The following SPRY3 variants were observed in gnomAD, a reference collection of about 807,000 sequenced individuals.
SPRY3 encodes the protein sprouty RTK signaling antagonist 3.
SPRY3 carries 15 observed loss-of-function variants against 20.2 expected under a neutral mutation model. That is an observed-to-expected ratio of 0.74 (90% CI 0.50 to 1.14). SPRY3 has a LOEUF of 1.14. SPRY3 is among the 50% of genes most tolerant of loss of function. The pLI, the probability that SPRY3 is intolerant of heterozygous loss-of-function variation, is 0.00. For synonymous variants in SPRY3, 143 were observed against 136.5 expected, an observed-to-expected ratio of 1.05 and a Z score of -0.33; for missense variants, 364 against 363.9, an observed-to-expected ratio of 1.00 and a Z score of 0.00.
intron 1 of SPRY3, among the ~76,000 whole-genome samples, chrX:155,645,516 C>G (rs1432934815): frequency 1.4e-5 from 1 of 69,112 alleles, no homozygotes; most frequent in Non-Finnish European, 3.3e-5. Flanking sequence ...TCCTTTCTAG[C>G]TAGGCCTGGT....
intron 2 of SPRY3, among the ~76,000 whole-genome samples, chrX:155,675,010 G>A (rs181539132): frequency 9.0e-6 from 1 of 111,442 alleles, no homozygotes; most frequent in African/African-American, 3.3e-5. Context: ...GAAATGTTTG[G>A]GTATAATTGT....
intron 1 of SPRY3, among the ~76,000 whole-genome samples, chrX:155,644,208 G>C (rs1557351653): frequency 9.1e-6 from 1 of 109,953 alleles, no homozygotes; most frequent in Non-Finnish European, 1.9e-5. Context: ...TTTCTGTTCT[G>C]AGTCTTCTGG....
chrX:155,694,447 A>G (rs1229671385), intron 2 of SPRY3, among the ~76,000 whole-genome samples: 1 of 111,114 alleles, frequency 9.0e-6, no homozygotes, highest in Admixed American at 9.6e-5. Context: ...ATTATTCTTT[A>G]TATCAGTGGT....
At chrX:155,756,803 T>C (rs1341909621) in intron 2 of SPRY3, among the ~76,000 whole-genome samples, 1 of 152,014 alleles carries the variant, frequency 6.6e-6, no homozygotes, top group Non-Finnish European at 1.5e-5. Flanking sequence ...CACACACAAA[T>C]ACAAACAACA....
chrX:155,768,469 C>G (rs1219564280), intron 3 of SPRY3, among the ~76,000 whole-genome samples: 1 of 152,060 alleles, frequency 6.6e-6, no homozygotes, highest in Admixed American at 6.5e-5. Context: ...CAAAACGCAG[C>G]CTAACCACCC....
At chrX:155,729,871 A>C (rs2091122213) in intron 2 of SPRY3, among the ~76,000 whole-genome samples, 1 of 152,148 alleles carries the variant, frequency 6.6e-6, no homozygotes. Context: ...GAAAAAGGAA[A>C]TATCACAACC....
chrX:155,719,157 G>A (rs1340941141), intron 2 of SPRY3, among the ~76,000 whole-genome samples: 2 of 152,102 alleles, frequency 1.3e-5, no homozygotes, highest in Non-Finnish European at 2.9e-5. Context: ...TTTGTGCACT[G>A]GGGGAGGGAG....
intron 2 of SPRY3, among the ~76,000 whole-genome samples, chrX:155,736,509 T>C (rs1040460363): frequency 6.6e-6 from 1 of 152,016 alleles, no homozygotes; most frequent in African/African-American, 2.4e-5. Context: ...AATACTTCGT[T>C]CCACTTTCTT....
At chrX:155,668,321 G>A (rs958158018) in intron 2 of SPRY3, among the ~76,000 whole-genome samples, 4 of 110,605 alleles carry the variant, frequency 3.6e-5, no homozygotes, top group Admixed American at 1.9e-4. Context: ...AGTACATACC[G>A]TGTTATTCTA....
chrX:155,721,820 A>T (rs2091060445), intron 2 of SPRY3, among the ~76,000 whole-genome samples: 1 of 152,300 alleles, frequency 6.6e-6, no homozygotes, highest in Non-Finnish European at 1.5e-5. Flanking sequence ...AGGGTAATTC[A>T]ATCATAAAGA....
At chrX:155,753,136 G>GTTTTT (rs2091270602) in intron 2 of SPRY3, among the ~76,000 whole-genome samples, 2 of 151,742 alleles carry the variant, frequency 1.3e-5, no homozygotes, top group South Asian at 4.2e-4. Flanking sequence ...CATGTAATGT[G>GTTTTT]CACAATTTAA....
At chrX:155,685,870 C>T (rs972345001) in intron 2 of SPRY3, among the ~76,000 whole-genome samples, 3 of 111,174 alleles carry the variant, frequency 2.7e-5, no homozygotes, top group Non-Finnish European at 5.7e-5. Context: ...TGGGTTCAAG[C>T]GATTCTCCTG....
intron 2 of SPRY3, among the ~76,000 whole-genome samples, chrX:155,721,201 A>G (rs900582953): frequency 6.6e-6 from 1 of 152,178 alleles, no homozygotes. Flanking sequence ...GGCAGAAGAA[A>G]GAATTAGTAG....
At chrX:155,739,661 T>C (rs2091192814) in intron 2 of SPRY3, among the ~76,000 whole-genome samples, 1 of 152,152 alleles carries the variant, frequency 6.6e-6, no homozygotes, top group South Asian at 2.1e-4. Context: ...TACATCCAGG[T>C]GAGGGAGGGA....
chrX:155,620,261 A>T (rs781875873), intron 1 of SPRY3, among the ~76,000 whole-genome samples: 12 of 111,480 alleles, frequency 1.1e-4, no homozygotes, highest in African/African-American at 3.9e-4. Context: ...AACACACTTT[A>T]TAAGATTCTT....
At chrX:155,774,586 C>T (rs2091409905) in exon 4 of SPRY3, 5 of 1,614,012 alleles carry the variant, frequency 3.1e-6, no homozygotes, top group Non-Finnish European at 4.2e-6. Context: ...GTGCTGCTAC[C>T]TGCCTACCCG....
At chrX:155,662,020 T>A (rs183856991) in intron 2 of SPRY3, among the ~76,000 whole-genome samples, 67 of 112,552 alleles carry the variant, frequency 6.0e-4, no homozygotes, top group African/African-American at 2.0e-3. Flanking sequence ...TTCATACTTT[T>A]AATTCTTTAT....
rs1301226153 is a variant in SPRY3, at chrX:155,712,461, T to C, written c.-282+55436T>C. Among the ~76,000 whole-genome samples, 11 of 152,138 alleles carry C rather than the reference T, an allele frequency of 7.2e-5. No individual in the cohort carries two copies. In the East Asian group the frequency reaches 1.9e-3, roughly 27 times the overall value. Reference sequence around the variant, plus strand: ...GATGACCTTTGTCTCTTCTTACAATTTTTGTTGTGAGGTCTACTTTGTCTG... The same window carrying C: ...GATGACCTTTGTCTCTTCTTACAATCTTTGTTGTGAGGTCTACTTTGTCTG... On this transcript the variant is annotated intron_variant, in intron 2 of 3. Transcript: ENST00000675360.
intron 2 of SPRY3, among the ~76,000 whole-genome samples, chrX:155,715,129 GC>G (rs1307381683): frequency 6.6e-6 from 1 of 151,874 alleles, no homozygotes; most frequent in Non-Finnish European, 1.5e-5. Flanking sequence ...TTTTTCCTCT[GC>G]TTTTCTCAAA....
Sources: allele counts gnomAD v4.1 joint callset (sites outside exome capture counted in the v4.1 genomes callset), GRCh38; gene constraint gnomAD v4.1.1; transcripts MANE v1.5; gene names NCBI Gene and HGNC (gene_info 2026-07-23, HGNC 2026-07-21).